CACNA2D1: variants seen among roughly 807,000 people sequenced by gnomAD.
CACNA2D1 encodes voltage-dependent calcium channel subunit alpha-2/delta-1.
Under a neutral mutation model 171.5 loss-of-function variants are expected in CACNA2D1, and 53 were observed. That is an observed-to-expected ratio of 0.31 (90% CI 0.25 to 0.39). CACNA2D1 has a LOEUF of 0.39. Among genes scored for constraint, CACNA2D1 ranks in the 10% least tolerant of loss-of-function variants. The probability of loss-of-function intolerance (pLI) is 1.00; values close to 1 mark genes in which losing one functional copy is unlikely to be tolerated. For missense variants in CACNA2D1, 903 were observed against 1,299.8 expected (o/e 0.69, Z 4.69); for synonymous variants, 442 against 443.1 (o/e 1.00, Z 0.03).
In CACNA2D1 at chr7:81,968,887, C is replaced by T; in HGVS notation, c.2395G>A (p.Val799Ile). ...YIQGKLLKPA[V>I]VGIKIDVNSW... ...TTTTGTATTTAATATTTATCCTTAC[C>T]TGCAGGTTTAAGAAGTTTCCCTTGA... Residue 799 changes from valine to isoleucine, a missense_variant and splice_region_variant, in exon 29 of 39, where the codon GTT becomes ATT. Physicochemically the swap from Val to Ile is conservative, Grantham distance 29. Transcript: ENST00000356860. 7.0e-7 allele frequency: 1 copy of T among 1,433,034 alleles called. No individual in the cohort carries two copies. The highest frequency in any genetic ancestry group is 2.3e-5 in the East Asian group (1 of 43,852). 88.8% of individuals were successfully genotyped at this position (1,433,034 alleles called of 1,614,324 possible).
chr7:82,365,158 A>G (rs1821541359), intron 1 of CACNA2D1, among the ~76,000 whole-genome samples: 1 of 152,242 alleles, frequency 6.6e-6, no homozygotes, highest in Non-Finnish European at 1.5e-5. Flanking sequence ...AAAGGAGACT[A>G]GAAAGGAACG....
Position 82,117,379 on chromosome 7 carries a change from T to C in CACNA2D1, c.397-206A>G, listed in dbSNP as rs2074729. 0.17 allele frequency among the ~76,000 whole-genome samples: 26,035 copies of C among 152,140 alleles called. 2,577 individuals are homozygous for C. The highest frequency in any genetic ancestry group is 0.34 in the East Asian group (1,761 of 5,164). ...TATATCTTTATTGTATTATTCACATTATAACTAACCACTCTCCTGATTTCC... is the reference window on the plus strand; with the variant it reads ...TATATCTTTATTGTATTATTCACATCATAACTAACCACTCTCCTGATTTCC... On this transcript the variant is annotated intron_variant, in intron 5 of 38. Transcript: ENST00000356860.
intron 1 of CACNA2D1, among the ~76,000 whole-genome samples, chr7:82,425,229 C>T (rs1387107897): frequency 6.6e-6 from 1 of 152,112 alleles, no homozygotes; most frequent in Non-Finnish European, 1.5e-5. Flanking sequence ...GAGAGTTTCC[C>T]TCTAGTCTAC....
chr7:82,423,052 CT>C (rs1828862134), intron 1 of CACNA2D1, among the ~76,000 whole-genome samples: 1 of 152,008 alleles, frequency 6.6e-6, no homozygotes, highest in African/African-American at 2.4e-5. Flanking sequence ...TTTTAATTGC[CT>C]TTTGCAAGAA....
chr7:82,233,553 T>C (rs1429562554), intron 3 of CACNA2D1, among the ~76,000 whole-genome samples: 1 of 152,112 alleles, frequency 6.6e-6, no homozygotes, highest in African/African-American at 2.4e-5. Context: ...ATTTCTTCCC[T>C]GAAGACAGAA....
intron 7 of CACNA2D1, among the ~76,000 whole-genome samples, chr7:82,073,119 T>G (rs1337623187): frequency 6.6e-6 from 1 of 152,134 alleles, no homozygotes; most frequent in Non-Finnish European, 1.5e-5. Context: ...AAAAACTGAC[T>G]TCATGATATT....
At chr7:82,063,975 T>C (rs547517678) in intron 9 of CACNA2D1, among the ~76,000 whole-genome samples, 2 of 152,002 alleles carry the variant, frequency 1.3e-5, no homozygotes, top group South Asian at 2.1e-4. Context: ...CCTCCCACCT[T>C]AGCCTCCCAA....
intron 3 of CACNA2D1, among the ~76,000 whole-genome samples, chr7:82,269,654 C>CA (rs1273249804): frequency 3.9e-5 from 6 of 152,148 alleles, no homozygotes; most frequent in African/African-American, 9.7e-5. Context: ...CACTGTCCTT[C>CA]AACTCTACAT....
intron 3 of CACNA2D1, among the ~76,000 whole-genome samples, chr7:82,199,415 G>A (rs936493005): frequency 6.6e-6 from 1 of 151,954 alleles, no homozygotes; most frequent in Non-Finnish European, 1.5e-5. Flanking sequence ...ACACAGATTT[G>A]GGGGCTCCAA....
chr7:82,284,380 C>T (rs1810498571), intron 3 of CACNA2D1, among the ~76,000 whole-genome samples: 1 of 152,070 alleles, frequency 6.6e-6, no homozygotes, highest in South Asian at 2.1e-4. Flanking sequence ...ATTAAAAAAC[C>T]ACTGGAGTTT....
At chr7:82,429,587 T>G (rs1829500679) in intron 1 of CACNA2D1, among the ~76,000 whole-genome samples, 1 of 152,198 alleles carries the variant, frequency 6.6e-6, no homozygotes, top group Non-Finnish European at 1.5e-5. Flanking sequence ...GGGACTCAGC[T>G]GGCCTTTAGA....
At chr7:82,055,251 C>G (rs889469385) in intron 10 of CACNA2D1, among the ~76,000 whole-genome samples, 1 of 152,102 alleles carries the variant, frequency 6.6e-6, no homozygotes, top group Non-Finnish European at 1.5e-5. Flanking sequence ...TCTGGACAGG[C>G]AAAAGTAACC....
At chr7:82,389,148 T>TTA (rs534487749) in intron 1 of CACNA2D1, among the ~76,000 whole-genome samples, 11,191 of 141,426 alleles carry the variant, frequency 0.079, 890 homozygotes, top group African/African-American at 0.21. Flanking sequence ...ATATATATAT[T>TTA]TATATATATA....
At chr7:82,116,108 C>A (rs996762216) in intron 6 of CACNA2D1, among the ~76,000 whole-genome samples, 1 of 152,136 alleles carries the variant, frequency 6.6e-6, no homozygotes, top group Non-Finnish European at 1.5e-5. Context: ...ACAAGAAACA[C>A]GTTCTTTACA....
At chr7:82,410,659 T>C (rs2129454862) in intron 1 of CACNA2D1, 1 of 227,116 alleles carries the variant, frequency 4.4e-6, no homozygotes, top group Non-Finnish European at 7.3e-6. Context: ...TAAGGGCAAA[T>C]CCTGCTCCCA....
intron 3 of CACNA2D1, among the ~76,000 whole-genome samples, chr7:82,180,963 C>T (rs1797063627): frequency 6.8e-6 from 1 of 146,602 alleles, no homozygotes; most frequent in South Asian, 2.2e-4. Flanking sequence ...GAAAACATGC[C>T]AGAAGGGGGA....
intron 15 of CACNA2D1, among the ~76,000 whole-genome samples, chr7:82,011,262 A>G (rs1273838523): frequency 6.6e-6 from 1 of 152,128 alleles, no homozygotes; most frequent in East Asian, 1.9e-4. Flanking sequence ...CACTAATACT[A>G]ACAATAGTTG....
At position 82,216,891 on chromosome 7, in the gene CACNA2D1, C is replaced by CAA. The variant is rs56161307; in HGVS notation, c.295-46284_295-46283dup. 5.2e-3 allele frequency among the ~76,000 whole-genome samples: 679 copies of CAA among 130,274 alleles called. 16 individuals carry two copies. The highest frequency in any genetic ancestry group is 0.037 in the Admixed American group (472 of 12,776). The allele number at this position is 130,274 out of a possible 152,430, so 85.5% of individuals were successfully genotyped here. A position where few individuals can be genotyped will look rare whatever the true frequency, so the allele number is the denominator to read the frequency against. On this transcript the variant is annotated intron_variant, in intron 3 of 38. Transcript: ENST00000356860. ...TTCAAATTGCTGTTAAGCCTAAATCCAAAAAAAAAAAAAAAAAGAAAGCTG... is the reference window on the plus strand; with the variant it reads ...TTCAAATTGCTGTTAAGCCTAAATCCAAAAAAAAAAAAAAAAAAAGAAAGCTG...
At chr7:82,175,173 A>G (rs1006812574) in intron 3 of CACNA2D1, among the ~76,000 whole-genome samples, 23 of 151,950 alleles carry the variant, frequency 1.5e-4, no homozygotes, top group Admixed American at 3.9e-4. Flanking sequence ...TTCTTTTGAT[A>G]GCTTTAAAAA....
Sources: gnomAD v4.1 joint callset for allele counts (sites outside exome capture counted in the v4.1 genomes callset) on GRCh38, gnomAD v4.1.1 for gene constraint, MANE v1.5 for transcripts, NCBI Gene and HGNC (gene_info 2026-07-23, HGNC 2026-07-21) for gene names.